Variants in CNKSR2 observed in about 807,000 individuals in gnomAD.
CNKSR2 encodes CNK homolog protein 2.
CNKSR2 carries 14 observed loss-of-function variants against 84.4 expected under a neutral mutation model. The ratio of observed to expected loss-of-function variants is 0.17; its 90% CI spans 0.11 to 0.26. The LOEUF (loss-of-function observed/expected upper bound fraction) is 0.26, where lower values mean the gene tolerates loss of function less well. CNKSR2 is among the 10% of genes least tolerant of loss of function. CNKSR2 has a pLI of 1.00. For missense variants in CNKSR2, 485 were observed against 771.2 expected (o/e 0.63, Z 4.40); for synonymous variants, 275 against 277.9 (o/e 0.99, Z 0.10).
intron 5 of CNKSR2, among the ~76,000 whole-genome samples, chrX:21,480,869 T>G (rs1041234726): frequency 1.7e-4 from 19 of 112,193 alleles, no homozygotes; most frequent in African/African-American, 6.2e-4. Flanking sequence ...ATCTCAATGT[T>G]GGGCTCACTA....
chrX:21,523,477 T>G (rs1244451176), intron 9 of CNKSR2, among the ~76,000 whole-genome samples: 1 of 111,315 alleles, frequency 9.0e-6, no homozygotes, highest in African/African-American at 3.2e-5. Context: ...ATTCTACCTT[T>G]TTTCTTAAAT....
At chrX:21,589,115 G>A (rs1303859128) in intron 13 of CNKSR2, among the ~76,000 whole-genome samples, 1 of 111,926 alleles carries the variant, frequency 8.9e-6, no homozygotes, top group Admixed American at 9.4e-5. Flanking sequence ...AGTTTGATAT[G>A]TGTGTGTGTA....
intron 4 of CNKSR2, among the ~76,000 whole-genome samples, chrX:21,443,941 GTAAA>G (rs1320483554): frequency 1.8e-5 from 2 of 111,296 alleles, no homozygotes; most frequent in African/African-American, 6.5e-5. Context: ...GAAAATAAAA[GTAAA>G]TAATTTATGA....
chrX:21,609,919 C>T (rs1323134585), intron 20 of CNKSR2, among the ~76,000 whole-genome samples: 1 of 111,522 alleles, frequency 9.0e-6, no homozygotes, highest in Non-Finnish European at 1.9e-5. Context: ...CTCTTATCCA[C>T]TTTATTCTCA....
chrX:21,417,705 A>T (rs2090440977), intron 1 of CNKSR2, among the ~76,000 whole-genome samples: 1 of 111,655 alleles, frequency 9.0e-6, no homozygotes, highest in African/African-American at 3.2e-5. Context: ...TTTTCCTGAT[A>T]TGAGTATAGC....
intron 6 of CNKSR2, chrX:21,495,030 A>G (rs2091479233): frequency 8.9e-6 from 1 of 112,556 alleles, no homozygotes; most frequent in South Asian, 3.6e-4. Flanking sequence ...TATACTACAT[A>G]TTTGCTAAAG....
chrX:21,406,924 C>T (rs1275869371), intron 1 of CNKSR2, among the ~76,000 whole-genome samples: 1 of 111,810 alleles, frequency 8.9e-6, no homozygotes, highest in African/African-American at 3.2e-5. Flanking sequence ...TTTTAAAAAA[C>T]GAAAGTTGTT....
chrX:21,540,068 A>G (rs2091963632), intron 11 of CNKSR2, among the ~76,000 whole-genome samples: 1 of 112,150 alleles, frequency 8.9e-6, no homozygotes, highest in African/African-American at 3.2e-5. Context: ...AAAATGAATA[A>G]AACCATAAAT....
At chrX:21,641,963 G>C (rs1029446310) in intron 20 of CNKSR2, 14 of 765,074 alleles carry the variant, frequency 1.8e-5, no homozygotes, top group Admixed American at 8.5e-5. Flanking sequence ...TAACACCTCA[G>C]TTGTGTTCTC....
chrX:21,598,430 C>T (rs1022123900), intron 17 of CNKSR2, among the ~76,000 whole-genome samples: 1 of 111,446 alleles, frequency 9.0e-6, no homozygotes, highest in Non-Finnish European at 1.9e-5. Flanking sequence ...TCCCTCCAAA[C>T]ACATTATTCT....
chrX:21,603,824 T>C (rs1034588321), intron 18 of CNKSR2, among the ~76,000 whole-genome samples: 2 of 112,132 alleles, frequency 1.8e-5, no homozygotes, highest in African/African-American at 6.5e-5. Context: ...ATATTGTATT[T>C]CTTCGACAGT....
chrX:21,434,139 G>A (rs5951594), intron 3 of CNKSR2, among the ~76,000 whole-genome samples: 39,062 of 109,755 alleles, frequency 0.36, 8,877 homozygotes, highest in African/African-American at 0.84. Context: ...GATTATAATT[G>A]TATCTTCTTT....
At chrX:21,411,969 G>C (rs1403164970) in intron 1 of CNKSR2, among the ~76,000 whole-genome samples, 4 of 111,438 alleles carry the variant, frequency 3.6e-5, no homozygotes. Flanking sequence ...AATAAAAGTT[G>C]GTATCAGGAA....
intron 13 of CNKSR2, among the ~76,000 whole-genome samples, chrX:21,588,058 A>C (rs970537500): frequency 2.7e-5 from 3 of 111,991 alleles, no homozygotes; most frequent in African/African-American, 9.7e-5. Context: ...GCTAAAATTC[A>C]ATCACATGTG....
At chrX:21,650,586 A>G (rs1001254375) in intron 21 of CNKSR2, among the ~76,000 whole-genome samples, 1 of 111,443 alleles carries the variant, frequency 9.0e-6, no homozygotes, top group African/African-American at 3.3e-5. Flanking sequence ...AAAAAAAAAA[A>G]GAACTATCAT....
At chrX:21,610,051 C>A (rs2092542127) in intron 20 of CNKSR2, among the ~76,000 whole-genome samples, 1 of 111,840 alleles carries the variant, frequency 8.9e-6, no homozygotes, top group South Asian at 3.7e-4. Flanking sequence ...ACACACACAC[C>A]CACTCACATC....
chrX:21,613,521 C>T lies in CNKSR2; in HGVS notation c.2692+3904C>T, dbSNP rs1407718436. 4.5e-5 allele frequency among the ~76,000 whole-genome samples: 5 copies of T among 112,276 alleles called. No individual in the cohort carries two copies. The East Asian group carries it at 1.4e-3, about 31-fold the overall frequency. ...TTGGGCTTAGAAATCTAAAGCAAAACCTAGGTCTTTTAAGGGGGAATAAAA... is the reference window on the plus strand; with the variant it reads ...TTGGGCTTAGAAATCTAAAGCAAAATCTAGGTCTTTTAAGGGGGAATAAAA... On this transcript the variant is annotated intron_variant, in intron 20 of 21. Coordinates refer to ENST00000379510, the MANE Select transcript of CNKSR2 (RefSeq NM_014927.5).
intron 18 of CNKSR2, among the ~76,000 whole-genome samples, chrX:21,603,954 C>T (rs531794029): frequency 9.0e-5 from 10 of 110,731 alleles, no homozygotes; most frequent in Middle Eastern, 4.7e-3. Flanking sequence ...TATAAAATTG[C>T]GTATCATTGA....
chrX:21,375,947 T>G (rs2089807561), intron 1 of CNKSR2, among the ~76,000 whole-genome samples: 2 of 111,743 alleles, frequency 1.8e-5, no homozygotes, highest in Admixed American at 1.9e-4. Flanking sequence ...CAGGCCCAAC[T>G]CTTCCCTAAG....
Sources: gnomAD v4.1 joint callset for allele counts (sites outside exome capture counted in the v4.1 genomes callset) on GRCh38, gnomAD v4.1.1 for gene constraint, MANE v1.5 for transcripts, NCBI Gene and HGNC (gene_info 2026-07-23, HGNC 2026-07-21) for gene names.